EEA1: variants seen among roughly 807,000 people sequenced by gnomAD.
EEA1 encodes early endosome antigen 1.
EEA1 carries 111 observed loss-of-function variants against 209.2 expected under a neutral mutation model. The ratio of observed to expected loss-of-function variants is 0.53; its 90% confidence interval spans 0.45 to 0.62. EEA1 has a LOEUF of 0.62. Ranked by LOEUF, EEA1 falls within the 20% of genes least tolerant of loss-of-function variation. EEA1 has a pLI of 0.00. For missense variants in EEA1, 1,343 were observed against 1,530.8 expected, an observed-to-expected ratio of 0.88 and a Z score of 2.05; for synonymous variants, 536 against 540.6, an observed-to-expected ratio of 0.99 and a Z score of 0.12.
chr12:92,883,723 C>G, intron 2 of EEA1: 1 of 1,034,234 alleles, frequency 9.7e-7, no homozygotes, highest in Non-Finnish European at 1.5e-6. Flanking sequence ...CTTTTCTGCC[C>G]GCGGACGCCA....
intron 1 of EEA1, among the ~76,000 whole-genome samples, chr12:92,928,198 T>C (rs1033898650): frequency 4.6e-5 from 7 of 151,148 alleles, no homozygotes; most frequent in African/African-American, 1.5e-4. Context: ...ACAGGTACAA[T>C]AACTCTTACA....
At position 92,812,025 on chromosome 12, in the gene EEA1, G is replaced by GC. The variant is rs1875541762; in HGVS notation, c.2044-592_2044-591insG. Among the ~76,000 whole-genome samples, 3 of 152,096 alleles carry GC rather than the reference G, an allele frequency of 2.0e-5. No individual in the cohort carries two copies. The South Asian group carries it at 6.2e-4, about 32-fold the overall frequency. On this transcript the variant is annotated intron_variant, in intron 16 of 28. Transcript: ENST00000322349. ...TTTTAACTTGATATACTTCTGTATT[G>GC]TTTTTTAAAAAATGGACCAATAAAG...
At chr12:92,868,501 T>C (rs1296573414) in intron 2 of EEA1, among the ~76,000 whole-genome samples, 1 of 152,260 alleles carries the variant, frequency 6.6e-6, no homozygotes, top group Non-Finnish European at 1.5e-5. Context: ...GGCTCCACTT[T>C]CAGGTTTGGG....
intron 9 of EEA1, among the ~76,000 whole-genome samples, chr12:92,846,625 T>C (rs973496978): frequency 1.3e-5 from 2 of 152,216 alleles, no homozygotes; most frequent in Admixed American, 6.5e-5. Context: ...TGTATAAATA[T>C]ACTTTTTAAC....
chr12:92,858,710 A>C, intron 3 of EEA1: 1 of 740,986 alleles, frequency 1.3e-6, no homozygotes, highest in Non-Finnish European at 2.5e-6. Flanking sequence ...TCTGTTTGGC[A>C]TGATGAAGAG....
intron 18 of EEA1, among the ~76,000 whole-genome samples, chr12:92,807,686 T>TA (rs766480994): frequency 2.8e-4 from 43 of 152,148 alleles, no homozygotes; most frequent in Non-Finnish European, 1.6e-4. Context: ...ACAATAGCAT[T>TA]AAAAAAATAT....
chr12:92,921,749 TA>T lies in EEA1; in HGVS notation c.24+7293del, dbSNP rs1028024768. On this transcript the variant is annotated intron_variant, in intron 1 of 28. Coordinates refer to ENST00000322349, the MANE Select transcript of EEA1 (RefSeq NM_003566.4). ...ATGTACCCTAAAACTTAAAGTATAATAAAAAAAAAGAAAAAAAAAAAAAAAA... is the reference window on the plus strand; with the variant it reads ...ATGTACCCTAAAACTTAAAGTATAATAAAAAAAAGAAAAAAAAAAAAAAAA... Among the ~76,000 whole-genome samples the T allele has an allele frequency of 4.9e-4, 17 of 34,344 alleles. No homozygotes were observed. In the South Asian group the frequency reaches 5.3e-3, roughly 11 times the overall value. 22.5% of individuals were successfully genotyped at this position (34,344 alleles called of 152,430 possible).
Position 92,806,821 on chromosome 12 carries a change from C to T in EEA1, c.2339+2196G>A, listed in dbSNP as rs575757019. Among the ~76,000 whole-genome samples the T allele has an allele frequency of 2.6e-5, 4 of 152,238 alleles. No homozygotes were observed. In the East Asian group the frequency reaches 7.7e-4, roughly 29 times the overall value. ...AAGCAAGGTTGGTTTAACAGTAAAT[C>T]AATCAATGTAACTGACCATATTAAC... On this transcript the variant is annotated intron_variant, in intron 18 of 28. Coordinates refer to ENST00000322349, the MANE Select transcript of EEA1 (RefSeq NM_003566.4).
chr12:92,831,050 T>G (rs1191185600), intron 11 of EEA1, among the ~76,000 whole-genome samples: 3 of 152,218 alleles, frequency 2.0e-5, no homozygotes, highest in Non-Finnish European at 4.4e-5. Flanking sequence ...CAAAAATTAG[T>G]ATTAGCATAT....
intron 9 of EEA1, among the ~76,000 whole-genome samples, chr12:92,845,662 G>A (rs142566301): frequency 2.6e-5 from 4 of 152,040 alleles, no homozygotes; most frequent in South Asian, 2.1e-4. Context: ...TTCCACTACC[G>A]CCCATATGCA....
chr12:92,857,362 T>G, intron 4 of EEA1, 22 bp from the exon 5 acceptor site: 1 of 1,564,878 alleles, frequency 6.4e-7, no homozygotes, highest in South Asian at 1.2e-5. Flanking sequence ...GATTTTTAAT[T>G]AGTAAATTTA....
intron 1 of EEA1, among the ~76,000 whole-genome samples, chr12:92,913,987 T>C (rs1240240681): frequency 6.6e-6 from 1 of 152,222 alleles, no homozygotes; most frequent in Non-Finnish European, 1.5e-5. Context: ...AATCCTTCAG[T>C]TAATTTGAGT....
chr12:92,891,729 A>G lies in EEA1; in HGVS notation c.25-8T>C. 1 of 1,599,868 alleles carries G rather than the reference A, an allele frequency of 6.3e-7. No individual in the cohort carries two copies. Among genetic ancestry groups the G allele is most frequent in the East Asian group, 2.2e-5 (1 of 44,786 alleles). ...GCCAACTCTCCCAGGAGTCTGGAAC[A>G]CAAACAGTAGGGAGGAAAAAAAAAC... On this transcript the variant is annotated splice_region_variant and splice_polypyrimidine_tract_variant and intron_variant, in intron 1 of 28. Transcript: ENST00000322349.
intron 1 of EEA1, among the ~76,000 whole-genome samples, chr12:92,896,802 A>T (rs1879904550): frequency 6.6e-6 from 1 of 152,100 alleles, no homozygotes. Context: ...AAATTGACAC[A>T]GCTATCCCAA....
At chr12:92,819,839 C>G (rs1875964381) in intron 13 of EEA1, among the ~76,000 whole-genome samples, 1 of 152,058 alleles carries the variant, frequency 6.6e-6, no homozygotes, top group African/African-American at 2.4e-5. Context: ...TAGGCACACT[C>G]CCACTTCAAA....
chr12:92,882,305 A>C (rs1879182174), intron 2 of EEA1, among the ~76,000 whole-genome samples: 1 of 151,982 alleles, frequency 6.6e-6, no homozygotes, highest in South Asian at 2.1e-4. Flanking sequence ...ACATGGTTTC[A>C]TCACGTTGGC....
chr12:92,802,020 T>C (rs565702196), intron 19 of EEA1, among the ~76,000 whole-genome samples: 1 of 152,122 alleles, frequency 6.6e-6, no homozygotes, highest in Non-Finnish European at 1.5e-5. Flanking sequence ...GCCACACTAC[T>C]TTTATAGCAA....
In EEA1 at chr12:92,811,236, T is replaced by C. The variant is rs1467222144; in HGVS notation, c.2199+43A>G. On this transcript the variant is annotated intron_variant, in intron 17 of 28. Transcript: ENST00000322349. ...GTAGGTCATGAGATTCCATTGCTAC[T>C]GAAGTAGAAAATATGACTAAATTCA... The C allele has an allele frequency of 3.8e-6, 5 of 1,298,780 alleles. No homozygotes were observed. In the East Asian group the frequency reaches 1.1e-4, roughly 28 times the overall value. The allele number at this position is 1,298,780 out of a possible 1,614,324, so 80.5% of individuals were successfully genotyped here.
At chr12:92,873,883 T>C (rs1054859912) in intron 2 of EEA1, among the ~76,000 whole-genome samples, 1 of 152,240 alleles carries the variant, frequency 6.6e-6, no homozygotes, top group Non-Finnish European at 1.5e-5. Context: ...ATTCCTTTTG[T>C]TAATAACCTT....
Sources: allele counts gnomAD v4.1 joint callset (sites outside exome capture counted in the v4.1 genomes callset), GRCh38; gene constraint gnomAD v4.1.1; transcripts MANE v1.5; gene names NCBI Gene and HGNC (gene_info 2026-07-23, HGNC 2026-07-21).